Variants in PLEKHG1 observed in about 807,000 individuals in gnomAD.
The protein encoded by PLEKHG1 is pleckstrin homology and RhoGEF domain containing G1.
In PLEKHG1, 44 loss-of-function variants were observed where a neutral mutation model predicts 100.8. The ratio of observed to expected loss-of-function variants is 0.44; its 90% CI spans 0.34 to 0.56. The LOEUF (loss-of-function observed/expected upper bound fraction) is 0.56. PLEKHG1 is among the 20% of genes least tolerant of loss of function. PLEKHG1 has a pLI of 0.01. For synonymous variants in PLEKHG1, 640 were observed against 662.5 expected, an observed-to-expected ratio of 0.97 and a Z score of 0.52; for missense variants, 1,545 against 1,720.9, an observed-to-expected ratio of 0.90 and a Z score of 1.81.
intron 2 of PLEKHG1, among the ~76,000 whole-genome samples, chr6:150,741,556 A>G (rs559488214): frequency 6.6e-6 from 1 of 152,380 alleles, no homozygotes; most frequent in East Asian, 1.9e-4. Context: ...CTTACCATGT[A>G]TCAGGCACTA....
intron 1 of PLEKHG1, among the ~76,000 whole-genome samples, chr6:150,723,182 C>T (rs139650009): frequency 6.6e-6 from 1 of 152,254 alleles, no homozygotes; most frequent in Non-Finnish European, 1.5e-5. Flanking sequence ...TTGGAGAAGT[C>T]ACCTAGTCCA....
intron 1 of PLEKHG1, among the ~76,000 whole-genome samples, chr6:150,611,571 G>A (rs1183741079): frequency 1.3e-5 from 2 of 152,142 alleles, no homozygotes; most frequent in African/African-American, 4.8e-5. Flanking sequence ...CAACACTTTG[G>A]GAGGCCGAGG....
intron 2 of PLEKHG1, among the ~76,000 whole-genome samples, chr6:150,739,259 G>GA (rs1782723201): frequency 6.6e-6 from 1 of 151,814 alleles, no homozygotes; most frequent in Non-Finnish European, 1.5e-5. Flanking sequence ...GACATTTAGT[G>GA]AAAAAAGGGG....
chr6:150,711,816 A>G (rs1004297243), intron 3 of PLEKHG1, among the ~76,000 whole-genome samples: 6 of 152,198 alleles, frequency 3.9e-5, no homozygotes, highest in African/African-American at 1.4e-4. Flanking sequence ...CAAATTCACA[A>G]TATTTTTCTG....
chr6:150,651,097 T>G (rs1368872978), intron 3 of PLEKHG1: 1 of 152,226 alleles, frequency 6.6e-6, no homozygotes, highest in African/African-American at 2.4e-5. Context: ...ATAGAACAAT[T>G]ATAACAACAC....
chr6:150,675,777 A>G (rs1779733782), intron 3 of PLEKHG1, among the ~76,000 whole-genome samples: 1 of 152,222 alleles, frequency 6.6e-6, no homozygotes, highest in African/African-American at 2.4e-5. Context: ...ATGAGCCACC[A>G]TACCTGGCTG....
Position 150,687,571 on chromosome 6 carries a change from C to G in PLEKHG1, c.-99+36785C>G, listed in dbSNP as rs143797251. ...GAAATACTTTGGAAATACCTGACCT[C>G]GTTCTCTTCTGTCTGGACCTTGGAC... On this transcript the variant is annotated intron_variant, in intron 3 of 3. Transcript: ENST00000367326. Among the ~76,000 whole-genome samples the G allele has an allele frequency of 4.6e-5, 7 of 152,282 alleles. No homozygotes were observed. In the East Asian group the frequency reaches 1.2e-3, roughly 25 times the overall value.
At chr6:150,813,253 C>G (rs1351417862) in intron 10 of PLEKHG1, among the ~76,000 whole-genome samples, 1 of 147,788 alleles carries the variant, frequency 6.8e-6, no homozygotes, top group South Asian at 2.1e-4. Flanking sequence ...TGCATTGAGC[C>G]GAGATCACGC....
At chr6:150,788,896 C>T (rs894620478) in intron 4 of PLEKHG1, among the ~76,000 whole-genome samples, 1 of 152,210 alleles carries the variant, frequency 6.6e-6, no homozygotes, top group African/African-American at 2.4e-5. Flanking sequence ...CACATGCACA[C>T]ACACAAGCAT....
intron 5 of PLEKHG1, among the ~76,000 whole-genome samples, chr6:150,796,270 T>C (rs377765164): frequency 2.6e-5 from 4 of 152,238 alleles, no homozygotes; most frequent in South Asian, 4.1e-4. Flanking sequence ...CTAATGAGTT[T>C]CTATAATCTA....
intron 2 of PLEKHG1, among the ~76,000 whole-genome samples, chr6:150,638,896 A>T (rs1051115184): frequency 1.3e-5 from 2 of 152,248 alleles, no homozygotes; most frequent in African/African-American, 2.4e-5. Context: ...TCAGTAAATT[A>T]CTACTTTACC....
intron 1 of PLEKHG1, among the ~76,000 whole-genome samples, chr6:150,603,852 C>T (rs534685061): frequency 6.6e-6 from 1 of 152,302 alleles, no homozygotes; most frequent in East Asian, 1.9e-4. Flanking sequence ...CCCCTCCCTT[C>T]GTGGTCCTAG....
chr6:150,702,856 T>A (rs1331838868), intron 3 of PLEKHG1, among the ~76,000 whole-genome samples: 1 of 152,140 alleles, frequency 6.6e-6, no homozygotes, highest in Non-Finnish European at 1.5e-5. Flanking sequence ...AACCCTGAAG[T>A]TCCCCCACTC....
intron 3 of PLEKHG1, among the ~76,000 whole-genome samples, chr6:150,684,139 A>G (rs754847452): frequency 4.6e-5 from 7 of 152,148 alleles, no homozygotes; most frequent in Non-Finnish European, 8.8e-5. Context: ...GCATCTTCAT[A>G]TTATCCTTAG....
intron 2 of PLEKHG1, among the ~76,000 whole-genome samples, chr6:150,760,711 C>T (rs1784107951): frequency 6.8e-6 from 1 of 146,730 alleles, no homozygotes; most frequent in Admixed American, 7.0e-5. Context: ...TGGGAGGTTG[C>T]AAATAGGTCT....
Position 150,774,888 on chromosome 6 carries a change from T to A in PLEKHG1, c.512+6150T>A, listed in dbSNP as rs577525684. Reference sequence around the variant, plus strand: ...AATTCTTTTTTAAAATTAAAAAAAATTTTTTTTCAGACATGTTCATAAATG... The same window carrying A: ...AATTCTTTTTTAAAATTAAAAAAAAATTTTTTTCAGACATGTTCATAAATG... On this transcript the variant is annotated intron_variant, in intron 3 of 15. Transcript: ENST00000358517. Among the ~76,000 whole-genome samples, 545 of 152,030 alleles carry A rather than the reference T, an allele frequency of 3.6e-3. 4 individuals carry two copies. Among genetic ancestry groups the A allele is most frequent in the Non-Finnish European group, 5.1e-3 (347 of 67,966 alleles).
intron 3 of PLEKHG1, among the ~76,000 whole-genome samples, chr6:150,698,864 G>A (rs562757080): frequency 6.6e-6 from 1 of 152,284 alleles, no homozygotes; most frequent in South Asian, 2.1e-4. Context: ...GATTATAATT[G>A]TTAAGCTCAA....
At chr6:150,826,088 A>G (rs1254527491) in intron 14 of PLEKHG1, among the ~76,000 whole-genome samples, 2 of 152,124 alleles carry the variant, frequency 1.3e-5, no homozygotes, top group Non-Finnish European at 2.9e-5. Context: ...AGGCTGAGGC[A>G]GGAGAATTGC....
intron 10 of PLEKHG1, among the ~76,000 whole-genome samples, chr6:150,810,002 C>T (rs1787396222): frequency 6.6e-6 from 1 of 151,824 alleles, no homozygotes; most frequent in Non-Finnish European, 1.5e-5. Context: ...AAATGTTCAA[C>T]TTCATAATAA....
Sources: allele counts gnomAD v4.1 joint callset (sites outside exome capture counted in the v4.1 genomes callset), GRCh38; gene constraint gnomAD v4.1.1; transcripts MANE v1.5; gene names NCBI Gene and HGNC (gene_info 2026-07-23, HGNC 2026-07-21).